The following BRWD3 variants were observed in gnomAD, a reference collection of about 807,000 sequenced individuals.
BRWD3 encodes the protein bromodomain and WD repeat domain containing 3, also known as bromodomain and WD repeat-containing protein 3.
A neutral mutation model predicts 149.7 loss-of-function variants in BRWD3; 10 were observed. The observed-to-expected ratio is 0.07, with a 90% CI of 0.04 to 0.11. The LOEUF (loss-of-function observed/expected upper bound fraction) is 0.11. Among genes scored for constraint, BRWD3 ranks in the 10% least tolerant of loss-of-function variants. The pLI, the probability that BRWD3 is intolerant of heterozygous loss-of-function variation, is 1.00. For synonymous variants in BRWD3, 504 were observed against 456.7 expected (o/e 1.10, Z -1.32); for missense variants, 940 against 1,373.2 (o/e 0.68, Z 4.99).
chrX:80,697,252 T>C (rs1464540692), intron 25 of BRWD3, among the ~76,000 whole-genome samples: 1 of 111,942 alleles, frequency 8.9e-6, no homozygotes, highest in Non-Finnish European at 1.9e-5. Flanking sequence ...CATCCAGGTA[T>C]ATATGTACGT....
At position 80,809,293 on chromosome X, in the gene BRWD3, G is replaced by C; in HGVS notation, c.43C>G (p.Leu15Val). The C allele has an allele frequency of 8.4e-7, 1 of 1,195,655 alleles. No individual in the cohort carries two copies. Reference sequence around the variant, plus strand: ...CCAGACTGCAAGAACCTAGCGATCAGGTAATACAGCTCTGGGGAAGAGGGG... The same window carrying C: ...CCAGACTGCAAGAACCTAGCGATCACGTAATACAGCTCTGGGGAAGAGGGG... ...PTQIEAELYY[L>V]IARFLQSGPC... The change falls in exon 2 of 41, where the codon CTG (leucine) becomes GTG (valine). Residue 15 changes from leucine (L) to valine (V), a missense_variant. Physicochemically the swap from Leu to Val is conservative, Grantham distance 32. Transcript: ENST00000373275.
At chrX:80,717,326 C>G (rs1030766753) in intron 19 of BRWD3, 1 of 379,662 alleles carries the variant, frequency 2.6e-6, no homozygotes, top group African/African-American at 2.6e-5. Flanking sequence ...TTCTTCTAAT[C>G]TAGGCTATAA....
At chrX:80,766,367 T>C (rs2073858389) in intron 6 of BRWD3, among the ~76,000 whole-genome samples, 1 of 111,076 alleles carries the variant, frequency 9.0e-6, no homozygotes, top group Admixed American at 9.6e-5. Context: ...TCAGCCTCCA[T>C]AATCACATAA....
intron 24 of BRWD3, among the ~76,000 whole-genome samples, chrX:80,702,953 G>GT (rs987286354): frequency 9.0e-6 from 1 of 111,456 alleles, no homozygotes; most frequent in African/African-American, 3.3e-5. Context: ...TAAACTGAAA[G>GT]TTTTTTACCA....
intron 20 of BRWD3, among the ~76,000 whole-genome samples, chrX:80,712,586 A>T (rs2072993225): frequency 1.8e-5 from 2 of 110,323 alleles, no homozygotes; most frequent in South Asian, 7.7e-4. Context: ...CTGGGAAGTG[A>T]GGAGCGTCTC....
chrX:80,699,362 C>T (rs2072747503), intron 25 of BRWD3, among the ~76,000 whole-genome samples: 2 of 111,426 alleles, frequency 1.8e-5, no homozygotes, highest in Non-Finnish European at 3.8e-5. Context: ...ATGAAACACA[C>T]ATAAACCTAG....
chrX:80,719,677 A>G (rs1172672182), intron 17 of BRWD3, 21 bp from the exon 18 acceptor site: 15 of 1,204,633 alleles, frequency 1.2e-5, no homozygotes, highest in East Asian at 3.0e-5. Flanking sequence ...CCAGATACAA[A>G]GCCACAAAAT....
intron 14 of BRWD3, among the ~76,000 whole-genome samples, chrX:80,726,854 C>A (rs768872989): frequency 7.2e-5 from 8 of 110,645 alleles, no homozygotes; most frequent in Non-Finnish European, 1.5e-4. Context: ...AAAGTTATTT[C>A]TTTGTTATAA....
At chrX:80,699,891 C>A in intron 25 of BRWD3, 66 bp downstream of exon 25, 2 of 835,497 alleles carry the variant, frequency 2.4e-6, no homozygotes, top group Admixed American at 2.5e-5. Context: ...GGGGAAAAAA[C>A]CATGGGTAAG....
chrX:80,718,635 T>C (rs1223251077), intron 18 of BRWD3, among the ~76,000 whole-genome samples: 1 of 112,053 alleles, frequency 8.9e-6, no homozygotes, highest in Non-Finnish European at 1.9e-5. Flanking sequence ...CTAAATGAAC[T>C]ATTTTAATTT....
At chrX:80,692,841 T>C in intron 28 of BRWD3, 99 bp downstream of exon 28, 1 of 647,792 alleles carries the variant, frequency 1.5e-6, no homozygotes. Context: ...TGAGACTAGA[T>C]AAGTCAGATA....
Position 80,676,607 on chromosome X carries a change from T to C in BRWD3, c.*2A>G. 8.3e-7 allele frequency: 1 copy of C among 1,209,899 alleles called. No homozygotes were observed. The highest frequency in any genetic ancestry group is 1.1e-6 in the Non-Finnish European group (1 of 894,251). ...TTTAAGTTATTCTAAATTTATTAAC[T>C]GTTAATAATTCCATCCCATGAGATG... On this transcript the variant is annotated 3_prime_UTR_variant, in exon 41 of 41. Transcript: ENST00000373275.
chrX:80,706,139 A>G (rs1169477071), intron 22 of BRWD3, among the ~76,000 whole-genome samples: 4 of 109,264 alleles, frequency 3.7e-5, no homozygotes, highest in African/African-American at 1.3e-4. Context: ...ACAGAGTTTC[A>G]CTCTTGTCGC....
intron 12 of BRWD3, among the ~76,000 whole-genome samples, chrX:80,732,254 C>G (rs1377630170): frequency 8.9e-6 from 1 of 111,934 alleles, no homozygotes; most frequent in African/African-American, 3.2e-5. Context: ...AGGAAATAAC[C>G]TGTATTTGAA....
intron 1 of BRWD3, 28 bp from the exon 2 acceptor site, chrX:80,809,332 A>G: frequency 8.6e-7 from 1 of 1,169,422 alleles, no homozygotes; most frequent in Non-Finnish European, 1.2e-6. Flanking sequence ...AAAGAGGTTC[A>G]GAGGGAGGTA....
In BRWD3 at chrX:80,725,029, T is replaced by A. The variant is rs758252599; in HGVS notation, c.1425A>T (p.Pro475=). The change falls in exon 15 of 41, where the codon CCA becomes CCT. Residue 475 remains proline (P), a synonymous_variant. Transcript: ENST00000373275. Reference sequence around the variant, plus strand: ...CTGAAAGTATGATCCTTTGATCAAATGGATGGGCTTCTAGAACGAATACTT... The same window carrying A: ...CTGAAAGTATGATCCTTTGATCAAAAGGATGGGCTTCTAGAACGAATACTT... The part of the protein sequence containing the change: ...DDEVFVLEAH[P]FDQRIILSAG... The A allele has an allele frequency of 5.0e-6, 6 of 1,207,419 alleles. No homozygotes were observed. The South Asian group carries it at 1.1e-4, about 21-fold the overall frequency.
At chrX:80,752,981 A>G (rs2073689141) in intron 6 of BRWD3, among the ~76,000 whole-genome samples, 1 of 111,250 alleles carries the variant, frequency 9.0e-6, no homozygotes, top group East Asian at 2.8e-4. Context: ...TTTTTTGTAT[A>G]CCTGTTGGCC....
chrX:80,788,989 G>A (rs2074146137), intron 6 of BRWD3, among the ~76,000 whole-genome samples: 1 of 111,717 alleles, frequency 9.0e-6, no homozygotes, highest in African/African-American at 3.3e-5. Context: ...TTGTAGTGGT[G>A]GTTACACAAA....
At chrX:80,719,108 C>G (rs1448510844) in intron 18 of BRWD3, among the ~76,000 whole-genome samples, 3 of 109,771 alleles carry the variant, frequency 2.7e-5, no homozygotes. Context: ...GCTTTCCTCT[C>G]CACAAAAGAG....
Sources: allele counts gnomAD v4.1 joint callset (sites outside exome capture counted in the v4.1 genomes callset), GRCh38; gene constraint gnomAD v4.1.1; transcripts MANE v1.5; gene names NCBI Gene and HGNC (gene_info 2026-07-23, HGNC 2026-07-21).